RTN3: variants seen among roughly 807,000 people sequenced by gnomAD.
RTN3 encodes reticulon-3.
RTN3 carries 49 observed loss-of-function variants against 77.8 expected under a neutral mutation model. The ratio of observed to expected loss-of-function variants is 0.63; its 90% CI spans 0.50 to 0.80. The LOEUF is 0.80. Among genes scored for constraint, RTN3 ranks in the 30% least tolerant of loss-of-function variants. The pLI is 0.00. For synonymous variants in RTN3, 464 were observed against 446.9 expected, an observed-to-expected ratio of 1.04 and a Z score of -0.48; for missense variants, 1,236 against 1,211.9, an observed-to-expected ratio of 1.02 and a Z score of -0.29.
chr11:63,753,539 T>C (rs2014211239), intron 6 of RTN3, 123 bp from the exon 7 acceptor site: 6 of 878,936 alleles, frequency 6.8e-6, no homozygotes, highest in Non-Finnish European at 1.1e-5. Flanking sequence ...CCAGGATTTC[T>C]CATTTTGAGG....
intron 1 of RTN3, among the ~76,000 whole-genome samples, chr11:63,682,185 A>AG (rs1941094984): frequency 6.6e-6 from 1 of 152,130 alleles, no homozygotes; most frequent in African/African-American, 2.4e-5. Flanking sequence ...ACTATTTTTG[A>AG]GGGGATGGTG....
intron 4 of RTN3, among the ~76,000 whole-genome samples, chr11:63,751,543 G>A (rs2014107440): frequency 1.3e-5 from 2 of 152,230 alleles, no homozygotes; most frequent in South Asian, 4.1e-4. Context: ...GTGAGCAAAT[G>A]ACAGTTTTTT....
chr11:63,694,868 A>T (rs1334826165), intron 1 of RTN3, among the ~76,000 whole-genome samples: 2 of 152,180 alleles, frequency 1.3e-5, no homozygotes, highest in Non-Finnish European at 2.9e-5. Flanking sequence ...ATATGCATTT[A>T]CTCTAATAAA....
intron 3 of RTN3, among the ~76,000 whole-genome samples, chr11:63,737,317 A>G (rs768263002): frequency 6.6e-6 from 1 of 152,186 alleles, no homozygotes; most frequent in Non-Finnish European, 1.5e-5. Flanking sequence ...ATAAAATTAA[A>G]GATTGATGGC....
rs148172636 is a variant in RTN3, at chr11:63,720,687, C to G, written c.2185C>G (p.Gln729Glu). The part of the protein sequence containing the change: ...GSEPLGVFPT[Q>E]GTPVASLDLE... The stretch of plus-strand genomic sequence containing the variant: ...TGAGCCTCTAGGTGTTTTCCCTACC[C>G]AAGGTACTCCAGTAGCATCTCTTGA... Residue 729 changes from glutamine (Q) to glutamate (E), a missense_variant, in exon 3 of 9, where the codon CAA becomes GAA. This residue lies in a region of RTN3 where 1,056 missense variants were observed against 990.4 expected (regional missense o/e 1.07). Coordinates refer to ENST00000377819, the MANE Select transcript of RTN3 (RefSeq NM_001265589.2). 6.9e-5 allele frequency: 111 copies of G among 1,613,950 alleles called. No homozygotes were observed. In the African/African-American group the frequency reaches 1.3e-3, roughly 18 times the overall value.
rs1429903423 is a variant in RTN3 at position 63,720,582 on chromosome 11, C to G, written c.2080C>G (p.His694Asp). 2 of 1,614,012 alleles carry G rather than the reference C, an allele frequency of 1.2e-6. No individual in the cohort carries two copies. The highest frequency in any genetic ancestry group is 2.2e-5 in the South Asian group (2 of 91,068). ...FKTTPPVEVL[H>D]ENESGGSEIK... ...AACAACTCCTCCTGTAGAAGTCTTA[C>G]ATGAAAATGAGTCCGGTGGTTCTGA... The change falls in exon 3 of 9, where the codon CAT becomes GAT. Residue 694 changes from histidine to aspartate, a missense_variant. Physicochemically the swap from His to Asp is moderately conservative, Grantham distance 81. Transcript: ENST00000377819.
Position 63,758,286 on chromosome 11 carries a change from T to G in RTN3, c.*85T>G, listed in dbSNP as rs1193995431. The G allele has an allele frequency of 1.2e-6, 2 of 1,613,446 alleles. No individual in the cohort carries two copies. The highest frequency in any genetic ancestry group is 2.7e-5 in the African/African-American group (2 of 74,906). ...TTACTTGTACTATGAAGGAAAATAC[T>G]CAGTGTCAGCTTGAGCCTGCATTCC... is the stretch of plus-strand genomic sequence containing the variant. On this transcript the variant is annotated 3_prime_UTR_variant, in exon 9 of 9. Coordinates refer to ENST00000377819, the MANE Select transcript of RTN3 (RefSeq NM_001265589.2).
chr11:63,691,041 A>G (rs1941628364), intron 1 of RTN3, among the ~76,000 whole-genome samples: 2 of 150,034 alleles, frequency 1.3e-5, no homozygotes, highest in Admixed American at 6.6e-5. Context: ...CCTCCCCTCA[A>G]TTCTCTGACA....
In RTN3 at chr11:63,719,703, T is replaced by C. The variant is rs781109212; in HGVS notation, c.1201T>C (p.Ser401Pro). Residue 401 changes from serine to proline, a missense_variant, in exon 3 of 9, where the codon TCA (serine) becomes CCA (proline). Ser to Pro is a moderately conservative substitution (Grantham distance 74, BLOSUM62 -1). Transcript: ENST00000377819. ...SIDGSTPITKSTGDWAEASLQ... is the reference protein window; with the variant it reads ...SIDGSTPITKPTGDWAEASLQ... ...TGATGGGAGCACTCCCATCACTAAA[T>C]CAACAGGTGATTGGGCAGAAGCATC... 6.2e-7 allele frequency: 1 copy of C among 1,614,148 alleles called. No homozygotes were observed. Among genetic ancestry groups the C allele is most frequent in the South Asian group, 1.1e-5 (1 of 91,072 alleles).
At chr11:63,715,451 G>C (rs1159153107) in intron 2 of RTN3, among the ~76,000 whole-genome samples, 1 of 152,164 alleles carries the variant, frequency 6.6e-6, no homozygotes, top group Non-Finnish European at 1.5e-5. Flanking sequence ...GAGCTCAGGA[G>C]TTCGAGACCA....
chr11:63,721,081 T>G, intron 3 of RTN3, 49 bp downstream of exon 3: 1 of 1,481,418 alleles, frequency 6.8e-7, no homozygotes, highest in South Asian at 1.4e-5. Flanking sequence ...TGTGATTGAT[T>G]ACTTATCAGC....
chr11:63,706,683 T>C (rs767608212), intron 2 of RTN3, among the ~76,000 whole-genome samples: 1 of 152,198 alleles, frequency 6.6e-6, no homozygotes, highest in East Asian at 1.9e-4. Context: ...GAAGTAGTTA[T>C]ATTGTTCTTG....
chr11:63,718,554 T>A (rs747170813), intron 2 of RTN3, 148 bp from the exon 3 acceptor site: 29 of 470,772 alleles, frequency 6.2e-5, no homozygotes, highest in Non-Finnish European at 9.2e-5. Context: ...ATCGTTTTGT[T>A]ACATATTTAT....
chr11:63,738,291 G>A (rs918940739), intron 3 of RTN3, among the ~76,000 whole-genome samples: 4 of 151,950 alleles, frequency 2.6e-5, no homozygotes, highest in African/African-American at 9.7e-5. Context: ...TTATAGACAA[G>A]TTTTAAGAAA....
intron 3 of RTN3, among the ~76,000 whole-genome samples, chr11:63,740,979 C>CCG (rs1349054320): frequency 6.6e-6 from 1 of 151,894 alleles, no homozygotes; most frequent in Non-Finnish European, 1.5e-5. Context: ...AATGAGGGAC[C>CCG]CGATGCACAG....
Position 63,719,366 on chromosome 11 carries a change from A to T in RTN3, c.864A>T (p.Ser288=). ...ATAAAGAATCATCCGAAGACATTTCAGAGACTAATGACAAGCTTTTTCCAC... is the reference window on the plus strand; with the variant it reads ...ATAAAGAATCATCCGAAGACATTTCTGAGACTAATGACAAGCTTTTTCCAC... ...HTDKESSEDI[S]ETNDKLFPLR... The change falls in exon 3 of 9, where the codon TCA becomes TCT. Residue 288 remains serine, a synonymous_variant. Transcript: ENST00000377819. 1 of 1,614,242 alleles carries T rather than the reference A, an allele frequency of 6.2e-7. No homozygotes were observed. The highest frequency in any genetic ancestry group is 8.5e-7 in the Non-Finnish European group (1 of 1,180,044).
rs774481819 is a variant in RTN3 at position 63,719,739 on chromosome 11, G to A, written c.1237G>A (p.Glu413Lys). The A allele has an allele frequency of 4.3e-6, 7 of 1,614,088 alleles. No homozygotes were observed. The highest frequency in any genetic ancestry group is 5.9e-6 in the Non-Finnish European group (7 of 1,180,000). Reference sequence around the variant, plus strand: ...TTGGGCAGAAGCATCTCTCCAGCAAGAAAATGCTATTACTGGAAAACCTGT... The same window carrying A: ...TTGGGCAGAAGCATCTCTCCAGCAAAAAAATGCTATTACTGGAAAACCTGT... Reference protein sequence around the residue: ...GDWAEASLQQENAITGKPVPD... With the variant: ...GDWAEASLQQKNAITGKPVPD... Residue 413 changes from glutamate to lysine, a missense_variant, in exon 3 of 9, where the codon GAA becomes AAA. Physicochemically the swap from Glu to Lys is moderately conservative, Grantham distance 56 (BLOSUM62 1). Around this residue, in one of 3 missense-constraint regions of RTN3, gnomAD observed 1,056 missense variants for 990.4 expected, o/e 1.07. Transcript: ENST00000377819.
chr11:63,682,970 A>AT (rs2134591193), intron 1 of RTN3, among the ~76,000 whole-genome samples: 1 of 152,294 alleles, frequency 6.6e-6, no homozygotes, highest in Non-Finnish European at 1.5e-5. Flanking sequence ...CTCTCTATTT[A>AT]GTTATGTTAA....
chr11:63,681,804 C>T, intron 1 of RTN3, 26 bp downstream of exon 1: 1 of 1,523,890 alleles, frequency 6.6e-7, no homozygotes, highest in Non-Finnish European at 8.8e-7. Flanking sequence ...AGCCCCCGCC[C>T]TGGGAAAGAG....
Sources: allele counts gnomAD v4.1 joint callset (sites outside exome capture counted in the v4.1 genomes callset), GRCh38; gene constraint gnomAD v4.1.1; regional missense constraint gnomAD v4.1.1; transcripts MANE v1.5; gene names NCBI Gene and HGNC (gene_info 2026-07-23, HGNC 2026-07-21).